The following SCYGR3 variants were observed in gnomAD, a reference collection of about 807,000 sequenced individuals.
SCYGR3 encodes small cysteine and glycine repeat-containing protein 3.
exon 1 of SCYGR3, chr2:227,614,744 C>T: frequency 2.7e-6 from 1 of 371,662 alleles, no homozygotes; most frequent in Non-Finnish European, 4.5e-6. Flanking sequence ...CCACAGACAC[C>T]ACCACAGCCA....
At chr2:227,614,650 C>T (rs1442620145) in exon 1 of SCYGR3, 7 of 398,656 alleles carry the variant, frequency 1.8e-5, no homozygotes, top group Non-Finnish European at 2.7e-5. Context: ...AGGTGTGCTG[C>T]AACAGCCTCC....
At chr2:227,614,733 GCCACAGACACCA>G (rs1194724802) in exon 1 of SCYGR3, 13,377 of 398,702 alleles carry the variant, frequency 0.034, 1,076 homozygotes, top group African/African-American at 0.21. Context: ...TGGTGCAGCT[GCCACAGACACCA>G]CCACAGCCAC....
exon 1 of SCYGR3, chr2:227,614,796 GCCA>G: frequency 2.5e-6 from 1 of 408,060 alleles, no homozygotes; most frequent in Non-Finnish European, 4.3e-6. Flanking sequence ...AGCCACCACA[GCCA>G]CCACCACAGC....
exon 1 of SCYGR3, chr2:227,614,706 C>T (rs1693899581): frequency 7.5e-6 from 3 of 399,154 alleles, no homozygotes; most frequent in African/African-American, 4.1e-5. Flanking sequence ...AGCAGCCCAC[C>T]CGGTAGCACC....
chr2:227,614,725 G>A, exon 1 of SCYGR3: 1 of 399,478 alleles, frequency 2.5e-6, no homozygotes, highest in Non-Finnish European at 4.4e-6. Context: ...CCTGCAGGTG[G>A]TGCAGCTGCC....
At position 227,614,748 on chromosome 2, in the gene SCYGR3, A is replaced by ACAGCCACCACCG. The variant is rs556921038; in HGVS notation, c.81_92dup (p.Gly30_Gly33dup). On this transcript the variant is annotated inframe_insertion, in exon 1 of 1. Transcript: ENST00000642029. Reference sequence around the variant, plus strand: ...TGGTGCAGCTGCCACAGACACCACCACAGCCACCACCGCAGCCACCACCGC... The same window carrying ACAGCCACCACCG: ...TGGTGCAGCTGCCACAGACACCACCACAGCCACCACCGCAGCCACCACCGCAGCCACCACCGC... The ACAGCCACCACCG allele has an allele frequency of 2.9e-3, 1,167 of 400,936 alleles. 12 individuals carry two copies. The highest frequency in any genetic ancestry group is 0.022 in the African/African-American group (1,054 of 48,430). The allele number at this position is 400,936 out of a possible 1,614,324, so 24.8% of individuals were successfully genotyped here.
exon 1 of SCYGR3, chr2:227,614,740 A>C (rs6436713): frequency 0.81 from 319,267 of 394,668 alleles, 128,550 homozygotes; most frequent in Middle Eastern, 0.85. Flanking sequence ...GCTGCCACAG[A>C]CACCACCACA....
chr2:227,614,607 T>C (rs994948398), exon 1 of SCYGR3: 11 of 398,610 alleles, frequency 2.8e-5, no homozygotes, highest in Non-Finnish European at 4.0e-5. Context: ...CACAGCCACA[T>C]GAGCGGCAGG....
chr2:227,614,612 G>A (rs554555926), exon 1 of SCYGR3: 18 of 398,686 alleles, frequency 4.5e-5, no homozygotes, highest in East Asian at 4.3e-4. Context: ...CCACATGAGC[G>A]GCAGGTGCGG....
exon 1 of SCYGR3, chr2:227,614,670 G>C: frequency 2.5e-6 from 1 of 398,784 alleles, no homozygotes; most frequent in Admixed American, 4.4e-5. Context: ...CACAGCAGCC[G>C]CGGCAGCAGG....
At chr2:227,614,808 G>A in exon 1 of SCYGR3, 1 of 407,292 alleles carries the variant, frequency 2.5e-6, no homozygotes, top group Non-Finnish European at 4.3e-6. Flanking sequence ...CACCACCACA[G>A]CCACCACAAC....
rs376750929 is a variant in SCYGR3, at chr2:227,614,652, A to G, written c.189T>C (p.Cys63=). 1.9e-4 allele frequency: 77 copies of G among 398,758 alleles called. 1 individual carries two copies. Among genetic ancestry groups the G allele is most frequent in the East Asian group, 9.3e-4 (26 of 28,094 alleles). The allele number at this position is 398,758 out of a possible 1,614,324, so 24.7% of individuals were successfully genotyped here. Residue 63 remains cysteine, a synonymous_variant, in exon 1 of 1, where the codon TGT becomes TGC. Transcript: ENST00000642029. ...AGCAGCAGATCACAGGTGTGCTGCA[A>G]CAGCCTCCACAGCAGCCGCGGCAGC...
exon 1 of SCYGR3, chr2:227,614,611 C>G (rs576545978): frequency 5.0e-6 from 2 of 398,702 alleles, no homozygotes; most frequent in South Asian, 1.3e-4. Context: ...GCCACATGAG[C>G]GGCAGGTGCG....
At chr2:227,614,784 GCAGCCACCA>G (rs528156330) in exon 1 of SCYGR3, 6 of 405,270 alleles carry the variant, frequency 1.5e-5, no homozygotes, top group East Asian at 3.5e-5. Flanking sequence ...AGCCACCACC[GCAGCCACCA>G]CAGCCACCAC....
chr2:227,614,757 ACCG>A (rs1693901043), exon 1 of SCYGR3: 1 of 402,332 alleles, frequency 2.5e-6, no homozygotes, highest in Non-Finnish European at 4.4e-6. Context: ...CACAGCCACC[ACCG>A]CAGCCACCAC....
At chr2:227,614,782 C>G in exon 1 of SCYGR3, 1 of 406,026 alleles carries the variant, frequency 2.5e-6, no homozygotes, top group Non-Finnish European at 4.3e-6. Flanking sequence ...GCAGCCACCA[C>G]CGCAGCCACC....
exon 1 of SCYGR3, chr2:227,614,732 T>C (rs563407749): frequency 2.1e-4 from 85 of 399,022 alleles, no homozygotes; most frequent in African/African-American, 1.7e-3. Flanking sequence ...GTGGTGCAGC[T>C]GCCACAGACA....
Position 227,614,558 on chromosome 2 carries a change from G to A in SCYGR3, c.283C>T (p.Gln95Ter), listed in dbSNP as rs1288037239. The A allele has an allele frequency of 1.5e-5, 6 of 398,664 alleles. No individual in the cohort carries two copies. The highest frequency in any genetic ancestry group is 2.7e-5 in the Non-Finnish European group (6 of 226,142). The allele number at this position is 398,664 out of a possible 1,614,324, so 24.7% of individuals were successfully genotyped here. A position where few individuals can be genotyped will look rare whatever the true frequency, so the allele number is the denominator to read the frequency against. The change falls in exon 1 of 1, where the codon CAG becomes TAG. Residue 95 changes from glutamine (Q) to a stop codon, truncating the protein, a stop_gained. Coordinates refer to ENST00000642029, the Ensembl canonical transcript of SCYGR3. LOFTEE classifies it high-confidence loss of function. ...CCTACCTAACAGCAGCATTGCTTCT[G>A]GCAGCAGCACTTCTGCTGGCAACAG...
chr2:227,614,665 C>A (rs1247127618), exon 1 of SCYGR3: 5 of 398,876 alleles, frequency 1.3e-5, no homozygotes, highest in Non-Finnish European at 1.8e-5. Flanking sequence ...GCCTCCACAG[C>A]AGCCGCGGCA....
Sources: gnomAD v4.1 joint callset for allele counts on GRCh38, gnomAD v4.1.1 for gene constraint, MANE v1.5 for transcripts, NCBI Gene and HGNC (gene_info 2026-07-23, HGNC 2026-07-21) for gene names.